Variants in FXYD4 observed in about 807,000 individuals in gnomAD.
FXYD4 encodes the protein FXYD domain containing ion transport regulator 4.
Under a neutral mutation model 18.3 loss-of-function variants are expected in FXYD4, and 14 were observed. The ratio of observed to expected loss-of-function variants is 0.77; its 90% CI spans 0.51 to 1.20. The LOEUF is 1.20. Among genes scored for constraint, FXYD4 ranks in the 50% most tolerant of loss-of-function variants. The pLI is 0.00. For missense variants in FXYD4, 99 were observed against 106.1 expected (o/e 0.93, Z 0.29); for synonymous variants, 40 against 40.5 (o/e 0.99, Z 0.04).
intron 3 of FXYD4, among the ~76,000 whole-genome samples, chr10:43,374,216 C>G (rs1349451021): frequency 6.6e-6 from 1 of 152,172 alleles, no homozygotes; most frequent in Non-Finnish European, 1.5e-5. Flanking sequence ...GACAAGCATT[C>G]CCTGTTTCTT....
At chr10:43,374,928 G>T (rs534141986) in intron 5 of FXYD4, among the ~76,000 whole-genome samples, 2 of 151,696 alleles carry the variant, frequency 1.3e-5, no homozygotes, top group East Asian at 3.9e-4. Flanking sequence ...CAGCCCTCAG[G>T]CAGTCCTCCT....
intron 5 of FXYD4, among the ~76,000 whole-genome samples, chr10:43,375,169 G>A (rs1837854832): frequency 6.6e-6 from 1 of 151,806 alleles, no homozygotes; most frequent in Admixed American, 6.6e-5. Context: ...TGGGACTACA[G>A]GCGCCTGCCG....
rs766079499 is a variant in FXYD4 at position 43,375,679 on chromosome 10, CCTCT to C, written c.173-8_173-5del. 2 of 1,612,296 alleles carry C rather than the reference CCTCT, an allele frequency of 1.2e-6. No individual in the cohort carries two copies. Among genetic ancestry groups the C allele is most frequent in the South Asian group, 1.1e-5 (1 of 91,048 alleles). On this transcript the variant is annotated splice_polypyrimidine_tract_variant and intron_variant, in intron 6 of 8. Coordinates refer to ENST00000476166, the MANE Select transcript of FXYD4 (RefSeq NM_173160.3). ...TCCAGCACTGACCCTGGCGCTGACCCCTCTCTCTCTCCCAGGTGGCAAATGCAAA... is the reference window on the plus strand; with the variant it reads ...TCCAGCACTGACCCTGGCGCTGACCCCTCTCTCCCAGGTGGCAAATGCAAA...
Position 43,375,558 on chromosome 10 carries a change from A to G in FXYD4, c.157A>G (p.Ile53Val). The G allele has an allele frequency of 6.2e-7, 1 of 1,614,008 alleles. No individual in the cohort carries two copies. The highest frequency in any genetic ancestry group is 8.5e-7 in the Non-Finnish European group (1 of 1,179,948). Residue 53 changes from isoleucine (I) to valine (V), a missense_variant, in exon 6 of 9, where the codon ATC (isoleucine) becomes GTC (valine). Physicochemically the swap from Ile to Val is conservative, Grantham distance 29. Transcript: ENST00000476166. ...CGGAGGGCTCCTGGCCATTGCTGGGATCGCGGCAGTTCTGAGTGAGTGGCA... is the reference window on the plus strand; with the variant it reads ...CGGAGGGCTCCTGGCCATTGCTGGGGTCGCGGCAGTTCTGAGTGAGTGGCA... Reference protein sequence around the residue: ...ICGGLLAIAGIAAVLSGKCKC... With the variant: ...ICGGLLAIAGVAAVLSGKCKC...
chr10:43,375,951 C>T (rs1311389040), intron 7 of FXYD4, 81 bp from the exon 8 acceptor site: 1 of 1,468,188 alleles, frequency 6.8e-7, no homozygotes, highest in East Asian at 2.3e-5. Flanking sequence ...ACTCCTGGGG[C>T]CGGGCAGCAA....
At chr10:43,374,818 C>G (rs550323537) in intron 5 of FXYD4, among the ~76,000 whole-genome samples, 179 bp downstream of exon 5, 24 of 151,818 alleles carry the variant, frequency 1.6e-4, no homozygotes, top group African/African-American at 5.8e-4. Flanking sequence ...GCTTAGGAAC[C>G]CTCCTGGAGA....
At chr10:43,375,666 C>T (rs1837862057) in intron 6 of FXYD4, 29 bp from the exon 7 acceptor site, 1 of 1,613,692 alleles carries the variant, frequency 6.2e-7, no homozygotes, top group Non-Finnish European at 8.5e-7. Flanking sequence ...CAGCACTGAC[C>T]CTGGCGCTGA....
intron 5 of FXYD4, 33 bp downstream of exon 5, chr10:43,374,672 C>A: frequency 1.3e-6 from 2 of 1,565,076 alleles, no homozygotes; most frequent in Non-Finnish European, 1.8e-6. Flanking sequence ...CCACCCTACC[C>A]TTGCCTATCC....
intron 3 of FXYD4, 39 bp downstream of exon 3, chr10:43,373,822 C>T (rs1431072094): frequency 7.0e-7 from 1 of 1,422,010 alleles, no homozygotes; most frequent in Admixed American, 1.7e-5. Flanking sequence ...CTTGCATTCA[C>T]CCCACCCACA....
In FXYD4 at chr10:43,374,401, C is replaced by T; in HGVS notation, c.38-69C>T. On this transcript the variant is annotated intron_variant, in intron 3 of 8. Transcript: ENST00000476166. The stretch of plus-strand genomic sequence containing the variant: ...ACCCCACAACCTCCGGGCTGGGGTC[C>T]TGCTGTCTGGCTTACTTGGACACCA... 2.0e-6 allele frequency: 3 copies of T among 1,503,962 alleles called. No individual in the cohort carries two copies. The South Asian group carries it at 3.4e-5, about 17-fold the overall frequency. 93.2% of individuals were successfully genotyped at this position (1,503,962 alleles called of 1,614,324 possible).
intron 3 of FXYD4, 33 bp downstream of exon 3, chr10:43,373,816 C>T (rs1327815931): frequency 1.0e-5 from 15 of 1,470,846 alleles, no homozygotes; most frequent in Admixed American, 1.7e-5. Flanking sequence ...GACCCTCTTG[C>T]ATTCACCCCA....
chr10:43,373,523 C>T lies in FXYD4; in HGVS notation c.-224C>T, dbSNP rs1489707642. 3.4e-6 allele frequency: 2 copies of T among 583,194 alleles called. No homozygotes were observed. Among genetic ancestry groups the T allele is most frequent in the Non-Finnish European group, 6.2e-6 (2 of 325,186 alleles). The allele number at this position is 583,194 out of a possible 1,614,324, so 36.1% of individuals were successfully genotyped here. A position where few individuals can be genotyped will look rare whatever the true frequency, so the allele number is the denominator to read the frequency against. ...CCACACAACTCCCCCAGGCCACCAC[C>T]ATCTCTAGATGGGAAGACAGAAAGT... is the stretch of plus-strand genomic sequence containing the variant. On this transcript the variant is annotated 5_prime_UTR_variant, in exon 3 of 9. Transcript: ENST00000476166.
At position 43,375,559 on chromosome 10, in the gene FXYD4, T is replaced by C; in HGVS notation, c.158T>C (p.Ile53Thr). 5 of 1,613,950 alleles carry C rather than the reference T, an allele frequency of 3.1e-6. No individual in the cohort carries two copies. Among genetic ancestry groups the C allele is most frequent in the Non-Finnish European group, 4.2e-6 (5 of 1,179,940 alleles). ...GGAGGGCTCCTGGCCATTGCTGGGA[T>C]CGCGGCAGTTCTGAGTGAGTGGCAG... ...ICGGLLAIAG[I>T]AAVLSGKCKC... The change falls in exon 6 of 9, where the codon ATC (isoleucine) becomes ACC (threonine). Residue 53 changes from isoleucine to threonine, a missense_variant. Transcript: ENST00000476166.
intron 5 of FXYD4, among the ~76,000 whole-genome samples, chr10:43,375,113 A>G (rs1237848049): frequency 1.5e-5 from 2 of 132,444 alleles, no homozygotes; most frequent in South Asian, 4.6e-4. Flanking sequence ...TGCAACCTCC[A>G]TCTCCCGGGT....
chr10:43,371,981 G>T (rs577469630), intron 1 of FXYD4, among the ~76,000 whole-genome samples: 6 of 151,372 alleles, frequency 4.0e-5, no homozygotes, highest in African/African-American at 1.5e-4. Context: ...AGAGTTCAAG[G>T]CTGCAGTGAG....
Position 43,373,656 on chromosome 10 carries a change from C to A in FXYD4, c.-91C>A. The A allele has an allele frequency of 2.5e-6, 2 of 809,194 alleles. No individual in the cohort carries two copies. The highest frequency in any genetic ancestry group is 2.2e-6 in the Non-Finnish European group (1 of 450,542). 50.1% of individuals were successfully genotyped at this position (809,194 alleles called of 1,614,324 possible). A position where few individuals can be genotyped will look rare whatever the true frequency, so the allele number is the denominator to read the frequency against. On this transcript the variant is annotated 5_prime_UTR_variant, in exon 3 of 9. Coordinates refer to ENST00000476166, the MANE Select transcript of FXYD4 (RefSeq NM_173160.3). ...CCCGCCCCTGCCTCCTCTCGCTGAC[C>A]AATTGAGCTGTGAGCCTGGAGCAGA...
At chr10:43,374,774 C>A in intron 5 of FXYD4, 135 bp downstream of exon 5, 1 of 789,040 alleles carries the variant, frequency 1.3e-6, no homozygotes, top group Admixed American at 1.8e-5. Flanking sequence ...TCTGTGAGAG[C>A]GTCGCTCCAA....
chr10:43,372,475 G>A (rs935531957), intron 1 of FXYD4, among the ~76,000 whole-genome samples: 2 of 152,034 alleles, frequency 1.3e-5, no homozygotes, highest in African/African-American at 4.8e-5. Flanking sequence ...AGTATAGATG[G>A]GGTTTTGCCA....
In FXYD4 at chr10:43,373,777, C is replaced by G; in HGVS notation, c.31C>G (p.Leu11Val). The G allele has an allele frequency of 6.2e-7, 1 of 1,608,028 alleles. No homozygotes were observed. The highest frequency in any genetic ancestry group is 8.5e-7 in the Non-Finnish European group (1 of 1,174,462). The change falls in exon 3 of 9, where the codon CTG becomes GTG. Residue 11 changes from leucine to valine, a missense_variant. Physicochemically the swap from Leu to Val is conservative, Grantham distance 32. Transcript: ENST00000476166. Reference sequence around the variant, plus strand: ...GAGAGTGACCCTGGCCCTTCTCCTACTGGCAGGTGAGTCCTCCCAGTCTCC... The same window carrying G: ...GAGAGTGACCCTGGCCCTTCTCCTAGTGGCAGGTGAGTCCTCCCAGTCTCC... MERVTLALLL[L>V]AGLTALEAND...
Sources: gnomAD v4.1 joint callset for allele counts (sites outside exome capture counted in the v4.1 genomes callset) on GRCh38, gnomAD v4.1.1 for gene constraint, MANE v1.5 for transcripts, NCBI Gene and HGNC (gene_info 2026-07-23, HGNC 2026-07-21) for gene names.